The following PCDH11X variants were observed in gnomAD, a reference collection of about 807,000 sequenced individuals.
PCDH11X encodes the protein protocadherin-11 X-linked.
Under a neutral mutation model 53.3 loss-of-function variants are expected in PCDH11X, and 18 were observed. The observed-to-expected ratio is 0.34, with a 90% CI of 0.23 to 0.50. The LOEUF is 0.50. Among genes scored for constraint, PCDH11X ranks in the 20% least tolerant of loss-of-function variants. The pLI is 0.98. For synonymous variants in PCDH11X, 279 were observed against 393.3 expected, an observed-to-expected ratio of 0.71 and a Z score of 3.44; for missense variants, 570 against 1,032.4, an observed-to-expected ratio of 0.55 and a Z score of 6.14.
intron 6 of PCDH11X, among the ~76,000 whole-genome samples, chrX:91,887,588 G>T (rs1940291679): frequency 1.8e-5 from 2 of 111,740 alleles, no homozygotes; most frequent in Non-Finnish European, 1.9e-5. Flanking sequence ...ATTGTATAAA[G>T]CTTTTAGATG....
At chrX:91,822,924 G>A (rs1447100731) in intron 4 of PCDH11X, among the ~76,000 whole-genome samples, 36 of 110,801 alleles carry the variant, frequency 3.2e-4, no homozygotes, top group Non-Finnish European at 6.1e-4. Flanking sequence ...CCTTGATTTC[G>A]TTATGTACCC....
intron 1 of PCDH11X, among the ~76,000 whole-genome samples, chrX:91,788,716 G>A (rs997737066): frequency 9.0e-6 from 1 of 111,543 alleles, no homozygotes; most frequent in African/African-American, 3.3e-5. Flanking sequence ...CTGAGTAATC[G>A]TAGACTGCTT....
intron 6 of PCDH11X, among the ~76,000 whole-genome samples, chrX:91,906,029 T>C (rs1941142546): frequency 9.0e-6 from 1 of 110,773 alleles, no homozygotes; most frequent in Non-Finnish European, 1.9e-5. Context: ...TCATGGAGGT[T>C]ATGGCTTTCT....
intron 6 of PCDH11X, among the ~76,000 whole-genome samples, chrX:92,147,984 C>CTTTCTTTCTTTCTTT (rs2065322747): frequency 1.4e-5 from 1 of 72,103 alleles, no homozygotes; most frequent in African/African-American, 7.9e-5. Context: ...TTCCTTCCTT[C>CTTTCTTTCTTTCTTT]CTTTCTTTCT....
At chrX:92,484,183 ATATATATGTATATATG>A (rs1556444294) in intron 10 of PCDH11X, among the ~76,000 whole-genome samples, 1 of 32,975 alleles carries the variant, frequency 3.0e-5, no homozygotes, top group Non-Finnish European at 6.7e-5. Context: ...ATATGTATGT[ATATATATGTATATATG>A]TATATATGTA....
intron 10 of PCDH11X, among the ~76,000 whole-genome samples, chrX:92,546,525 T>A (rs2074857677): frequency 9.1e-6 from 1 of 109,519 alleles, no homozygotes; most frequent in Non-Finnish European, 1.9e-5. Flanking sequence ...AGCAAAAAAA[T>A]TGAAATCTCA....
In PCDH11X at chrX:91,862,505, A is replaced by C. The variant is rs1938731771; in HGVS notation, c.541-14276A>C. On this transcript the variant is annotated intron_variant, in intron 5 of 10. Transcript: ENST00000682573. ...TATCCTCTCTCTTTTTTCTTAGTTC[A>C]TCTGGCTAACAGTTTGTCAATTTTG... 2.7e-5 allele frequency among the ~76,000 whole-genome samples: 3 copies of C among 109,984 alleles called. No individual in the cohort carries two copies. The South Asian group carries it at 1.2e-3, about 43-fold the overall frequency.
rs151059966 is a variant in PCDH11X, at chrX:91,861,660, C to T, written c.541-15121C>T. The stretch of plus-strand genomic sequence containing the variant: ...TACCTACCGCTGGGTCCAACCCAAA[C>T]GGCTGCTGAGATTCTGCACAATTCT... On this transcript the variant is annotated intron_variant, in intron 5 of 10. Coordinates refer to ENST00000682573, the MANE Select transcript of PCDH11X (RefSeq NM_032968.5). 3.5e-3 allele frequency among the ~76,000 whole-genome samples: 393 copies of T among 112,056 alleles called. 2 individuals are homozygous for T. The highest frequency in any genetic ancestry group is 0.014 in the Middle Eastern group (3 of 219).
At chrX:92,250,429 A>G (rs2148396982) in intron 7 of PCDH11X, among the ~76,000 whole-genome samples, 1 of 109,735 alleles carries the variant, frequency 9.1e-6, no homozygotes, top group Non-Finnish European at 1.9e-5. Flanking sequence ...ATGACGGAGC[A>G]ATTCCACTCC....
At chrX:91,980,539 A>T (rs2062112570) in intron 6 of PCDH11X, among the ~76,000 whole-genome samples, 1 of 111,109 alleles carries the variant, frequency 9.0e-6, no homozygotes, top group Non-Finnish European at 1.9e-5. Flanking sequence ...GCATGAGCTC[A>T]AGCAATCCTC....
chrX:91,981,721 G>C (rs1011616195), intron 6 of PCDH11X, among the ~76,000 whole-genome samples: 2 of 109,473 alleles, frequency 1.8e-5, no homozygotes, highest in Non-Finnish European at 3.8e-5. Flanking sequence ...GGAGGAACAA[G>C]TCACACCTTA....
intron 7 of PCDH11X, among the ~76,000 whole-genome samples, chrX:92,223,800 G>A (rs1200048549): frequency 9.0e-6 from 1 of 111,471 alleles, no homozygotes; most frequent in African/African-American, 3.3e-5. Context: ...TTAGTACAGT[G>A]TCTAGCACAT....
At chrX:92,122,959 C>A (rs1049474314) in intron 6 of PCDH11X, among the ~76,000 whole-genome samples, 1 of 110,902 alleles carries the variant, frequency 9.0e-6, no homozygotes, top group Non-Finnish European at 1.9e-5. Flanking sequence ...TAAATAAATA[C>A]ATACATACAT....
intron 5 of PCDH11X, among the ~76,000 whole-genome samples, chrX:91,862,422 C>A (rs1324898168): frequency 9.7e-6 from 1 of 103,549 alleles, no homozygotes; most frequent in Non-Finnish European, 2.0e-5. Context: ...TGAGCCTTTG[C>A]ATTTCTGCAG....
At chrX:92,176,951 G>A (rs1291294851) in intron 6 of PCDH11X, among the ~76,000 whole-genome samples, 1 of 108,178 alleles carries the variant, frequency 9.2e-6, no homozygotes, top group East Asian at 2.9e-4. Context: ...AAAGTACAAC[G>A]TAGTTTTTTT....
intron 6 of PCDH11X, among the ~76,000 whole-genome samples, chrX:91,983,877 C>T (rs920702916): frequency 9.0e-6 from 1 of 110,812 alleles, no homozygotes; most frequent in Non-Finnish European, 1.9e-5. Context: ...TAGAAAATTG[C>T]TCATATTTAT....
At chrX:92,332,947 G>C (rs1213863210) in intron 8 of PCDH11X, among the ~76,000 whole-genome samples, 1 of 111,864 alleles carries the variant, frequency 8.9e-6, no homozygotes, top group Non-Finnish European at 1.9e-5. Flanking sequence ...TAACAACTTG[G>C]GTTTATGTCT....
At chrX:92,045,433 A>G (rs1033245634) in intron 6 of PCDH11X, among the ~76,000 whole-genome samples, 2 of 104,002 alleles carry the variant, frequency 1.9e-5, no homozygotes, top group African/African-American at 7.1e-5. Flanking sequence ...TCATCAGGAA[A>G]AAAAGGTGTT....
chrX:92,058,874 G>T (rs1210186606), intron 6 of PCDH11X, among the ~76,000 whole-genome samples: 1 of 106,538 alleles, frequency 9.4e-6, no homozygotes, highest in Non-Finnish European at 1.9e-5. Context: ...GTGGGAAATT[G>T]AATTTGATAT....
Sources: gnomAD v4.1 joint callset for allele counts (sites outside exome capture counted in the v4.1 genomes callset) on GRCh38, gnomAD v4.1.1 for gene constraint, MANE v1.5 for transcripts, NCBI Gene and HGNC (gene_info 2026-07-23, HGNC 2026-07-21) for gene names.